Variants in GMIP observed in about 807,000 individuals in gnomAD.
GMIP encodes GEM interacting protein, also known as GEM-interacting protein.
GMIP carries 54 observed loss-of-function variants against 105.3 expected under a neutral mutation model. That is an observed-to-expected ratio of 0.51 (90% CI 0.41 to 0.64). The LOEUF is 0.64. Among genes scored for constraint, GMIP ranks in the 30% least tolerant of loss-of-function variants. GMIP has a pLI of 0.00. For missense variants in GMIP, 1,110 were observed against 1,319.4 expected (o/e 0.84, Z 2.46); for synonymous variants, 541 against 560.8 (o/e 0.96, Z 0.50).
In GMIP at chr19:19,638,390, T is replaced by C. The variant is rs1486325461; in HGVS notation, c.618+12A>G. The C allele has an allele frequency of 6.2e-7, 1 of 1,614,028 alleles. No individual in the cohort carries two copies. Among genetic ancestry groups the C allele is most frequent in the South Asian group, 1.1e-5 (1 of 91,084 alleles). On this transcript the variant is annotated intron_variant, in intron 8 of 20. Coordinates refer to ENST00000203556, the MANE Select transcript of GMIP (RefSeq NM_016573.4). ...TCTCTCACCCTACCCTTCCACCAAT[T>C]CCAAGCCTCACCATCCGCTTCTGCT...
Position 19,633,922 on chromosome 19 carries a change from G to C in GMIP, c.2353C>G (p.Gln785Glu), listed in dbSNP as rs773312129. ...GGGTCAAGGTGCGGGGGTGGCGGTT[G>C]GGAGCTGGTTGTGAGGGGCCCAGGG... is the stretch of plus-strand genomic sequence containing the variant. ...PAPGPLTTSS[Q>E]PPPPHLDPDS... Residue 785 changes from glutamine (Q) to glutamate (E), a missense_variant, in exon 19 of 21, where the codon CAA (glutamine) becomes GAA (glutamate). By Grantham distance (29) the Gln-to-Glu change is conservative (BLOSUM62 2). Transcript: ENST00000203556. 5 of 1,549,708 alleles carry C rather than the reference G, an allele frequency of 3.2e-6. No individual in the cohort carries two copies. Among genetic ancestry groups the C allele is most frequent in the Non-Finnish European group, 4.4e-6 (5 of 1,142,750 alleles).
In GMIP at chr19:19,638,500, T is replaced by G. The variant is rs2061882916; in HGVS notation, c.538-18A>C. ...GCGAGGGGCTGGCAAGGGTTGGGGA[T>G]GGGGATGGAGACGCTGCCTTAGGGC... is the stretch of plus-strand genomic sequence containing the variant. On this transcript the variant is annotated intron_variant, in intron 7 of 20. Transcript: ENST00000203556. 1.2e-6 allele frequency: 2 copies of G among 1,611,240 alleles called. No homozygotes were observed. Among genetic ancestry groups the G allele is most frequent in the South Asian group, 2.2e-5 (2 of 90,826 alleles).
At position 19,630,416 on chromosome 19, in the gene GMIP, C is replaced by T; in HGVS notation, c.2539+55G>A. 1.9e-6 allele frequency: 3 copies of T among 1,598,468 alleles called. No homozygotes were observed. The highest frequency in any genetic ancestry group is 2.2e-5 in the South Asian group (2 of 89,138). On this transcript the variant is annotated intron_variant, in intron 20 of 20. Coordinates refer to ENST00000203556, the MANE Select transcript of GMIP (RefSeq NM_016573.4). This position sits in a 1 kb window ranked among gnomAD's most constrained non-coding sequence, Gnocchi z 4.8. ...CCCCAGGAGTCATCTTTTAGCAAGC[C>T]ACCCTGGGGCCAGGGCACCCCCAGA...
chr19:19,636,340 T>C (rs1056509874), intron 13 of GMIP, among the ~76,000 whole-genome samples: 1 of 151,656 alleles, frequency 6.6e-6, no homozygotes, highest in African/African-American at 2.4e-5. Context: ...CTGGCCAACA[T>C]GGTGAAACCC....
rs756467344 is a variant in GMIP, at chr19:19,638,180, C to G, written c.768G>C (p.Ser256=). ...CCACCTTGGCCTGGGCCTCCTCTCG[C>G]GAGCGCCGCCGCCGCTCCTGCTGCT... is the stretch of plus-strand genomic sequence containing the variant. ...PSKQQERRRR[S]REEAQAKAQE... Residue 256 remains serine, a synonymous_variant, in exon 9 of 21, where the codon TCG becomes TCC. Coordinates refer to ENST00000203556, the MANE Select transcript of GMIP (RefSeq NM_016573.4). 1.0e-5 allele frequency: 16 copies of G among 1,585,192 alleles called. No homozygotes were observed. Among genetic ancestry groups the G allele is most frequent in the Non-Finnish European group, 1.3e-5 (15 of 1,173,906 alleles).
In GMIP at chr19:19,634,195, G is replaced by A. The variant is rs188195937; in HGVS notation, c.2085-5C>T. 3.7e-4 allele frequency: 594 copies of A among 1,586,434 alleles called. 2 individuals carry two copies. In the African/African-American group the frequency reaches 7.3e-3, roughly 20 times the overall value. On this transcript the variant is annotated splice_polypyrimidine_tract_variant and splice_region_variant and intron_variant, in intron 18 of 20. Transcript: ENST00000203556. This position sits in a 1 kb window ranked among gnomAD's most constrained non-coding sequence, Gnocchi z 6.1. ...TCCATAAATCGTGCAGCCACCCTGG[G>A]GATGGTGTGAAGAGAAAGGTCAGGG...
intron 7 of GMIP, 33 bp from the exon 8 acceptor site, chr19:19,638,515 T>C (rs1041616051): frequency 1.3e-6 from 2 of 1,588,262 alleles, no homozygotes; most frequent in African/African-American, 1.3e-5. Flanking sequence ...ATGGAGACGC[T>C]GCCTTAGGGC....
intron 2 of GMIP, 41 bp from the exon 3 acceptor site, chr19:19,642,092 G>C: frequency 2.1e-6 from 3 of 1,404,890 alleles, no homozygotes; most frequent in Non-Finnish European, 2.0e-6. Flanking sequence ...CTTACACCCA[G>C]TCTGTCCTGC....
rs775079808 is a variant in GMIP, at chr19:19,635,574, AG to A, written c.1406-6del. 1.5e-5 allele frequency: 25 copies of A among 1,613,782 alleles called. No homozygotes were observed. The South Asian group carries it at 2.7e-4, about 18-fold the overall frequency. On this transcript the variant is annotated splice_region_variant and splice_polypyrimidine_tract_variant and intron_variant, in intron 14 of 20. Coordinates refer to ENST00000203556, the MANE Select transcript of GMIP (RefSeq NM_016573.4). This position sits in a 1 kb window ranked among gnomAD's most constrained non-coding sequence, Gnocchi z 4.7. ...TCTCCAGCCCGTCTCCCAGGTCTGC[AG>A]GGAGACAGGGTCAGGAGTGCCTGGT...
chr19:19,634,512 C>A lies in GMIP; in HGVS notation c.2079G>T (p.Leu693=). Residue 693 remains leucine (L), a synonymous_variant, in exon 18 of 21, where the codon CTG becomes CTT. Transcript: ENST00000203556. This position sits in a 1 kb window ranked among gnomAD's most constrained non-coding sequence, Gnocchi z 6.1. ...YNTLRHLVAH[L]FRVAARFMEN... is the part of the protein sequence containing the mutation. The stretch of plus-strand genomic sequence containing the variant: ...GCTCAGGGACCCATGCACACCTGAA[C>A]AGATGGGCCACCAGGTGCCGCAGGG... 2 of 1,609,020 alleles carry A rather than the reference C, an allele frequency of 1.2e-6. No homozygotes were observed. The highest frequency in any genetic ancestry group is 1.7e-4 in the Middle Eastern group (1 of 6,016).
At position 19,635,529 on chromosome 19, in the gene GMIP, G is replaced by A. The variant is rs371337326; in HGVS notation, c.1446C>T (p.Phe482=). 2.5e-5 allele frequency: 40 copies of A among 1,613,520 alleles called. No homozygotes were observed. Among genetic ancestry groups the A allele is most frequent in the Middle Eastern group, 1.7e-4 (1 of 6,018 alleles). ...CCGCGCTGGACAGTGTCCACTTCCC[G>A]AAGGGGCTGCCCAGCCCATTCTCCA... ...DGLENGLGSP[F]GKWTLSSAAQ... Residue 482 remains phenylalanine (F), a synonymous_variant, in exon 15 of 21, where the codon TTC becomes TTT. Coordinates refer to ENST00000203556, the MANE Select transcript of GMIP (RefSeq NM_016573.4). This position sits in a 1 kb window ranked among gnomAD's most constrained non-coding sequence, Gnocchi z 4.7.
At position 19,635,690 on chromosome 19, in the gene GMIP, C is replaced by T. The variant is rs149540867; in HGVS notation, c.1359G>A (p.Ser453=). ...GAGTRQLVKA[S]STGTESSDDF... is the part of the protein sequence containing the mutation. The stretch of plus-strand genomic sequence containing the variant: ...CATCTGAGGACTCAGTGCCTGTGGA[C>T]GAAGCCTTCACCAGCTGCCTCGTGC... Residue 453 remains serine (S), a synonymous_variant, in exon 14 of 21, where the codon TCG becomes TCA. Coordinates refer to ENST00000203556, the MANE Select transcript of GMIP (RefSeq NM_016573.4). This position sits in a 1 kb window ranked among gnomAD's most constrained non-coding sequence, Gnocchi z 4.7. 6.7e-5 allele frequency: 108 copies of T among 1,614,128 alleles called. No homozygotes were observed. The highest frequency in any genetic ancestry group is 4.5e-4 in the African/African-American group (34 of 75,034).
Position 19,640,132 on chromosome 19 carries a change from T to A in GMIP, c.490A>T (p.Thr164Ser), listed in dbSNP as rs1216436151. Residue 164 changes from threonine to serine, a missense_variant, in exon 7 of 21, where the codon ACC (threonine) becomes TCC (serine). Physicochemically the swap from Thr to Ser is moderately conservative, Grantham distance 58 (BLOSUM62 1). Coordinates refer to ENST00000203556, the MANE Select transcript of GMIP (RefSeq NM_016573.4). ...LFLEHDLSLG[T>S]LAMETVAQQK... Reference sequence around the variant, plus strand: ...TGGGCCACTGTCTCCATGGCCAGGGTTCCCAGGCTGAGATCGTGCTCCAGA... The same window carrying A: ...TGGGCCACTGTCTCCATGGCCAGGGATCCCAGGCTGAGATCGTGCTCCAGA... 1 of 1,613,700 alleles carries A rather than the reference T, an allele frequency of 6.2e-7. No individual in the cohort carries two copies. The highest frequency in any genetic ancestry group is 1.7e-5 in the Admixed American group (1 of 60,000).
In GMIP at chr19:19,634,698, G is replaced by A. The variant is rs755631669; in HGVS notation, c.1893C>T (p.Thr631=). ...AGAGGTGGAAGGGGATCACGGGCTCGGTGAGCTGGGGGTGGAACGGAGGGC... is the reference window on the plus strand; with the variant it reads ...AGAGGTGGAAGGGGATCACGGGCTCAGTGAGCTGGGGGTGGAACGGAGGGC... ...SVLKRFLQEL[T]EPVIPFHLYD... Residue 631 remains threonine, a synonymous_variant, in exon 18 of 21, where the codon ACC becomes ACT. Transcript: ENST00000203556. This position sits in a 1 kb window ranked among gnomAD's most constrained non-coding sequence, Gnocchi z 6.1. The A allele has an allele frequency of 9.3e-6, 15 of 1,608,186 alleles. No individual in the cohort carries two copies. The highest frequency in any genetic ancestry group is 1.7e-4 in the Middle Eastern group (1 of 6,046).
At chr19:19,643,315 A>AGGGGGAG in intron 1 of GMIP, 196 bp downstream of exon 1, 1 of 476,258 alleles carries the variant, frequency 2.1e-6, no homozygotes, top group Non-Finnish European at 3.8e-6. Context: ...AGGGATCAAA[A>AGGGGGAG]GGGGGAGGGG....
chr19:19,637,452 T>C lies in GMIP; in HGVS notation c.1037A>G (p.Gln346Arg). The change falls in exon 11 of 21, where the codon CAG (glutamine) becomes CGG (arginine). Residue 346 changes from glutamine to arginine, a missense_variant. Physicochemically the swap from Gln to Arg is conservative, Grantham distance 43. Coordinates refer to ENST00000203556, the MANE Select transcript of GMIP (RefSeq NM_016573.4). The surrounding 1 kb of genome is among the most constrained non-coding windows in gnomAD (Gnocchi z 6.7). The stretch of plus-strand genomic sequence containing the variant: ...GGGCCGCAGCGCCCGTACAAACTCC[T>C]GGTAGCGCTGGCCCGGCTCAAAGGG... The part of the protein sequence containing the change: ...CAPFEPGQRY[Q>R]EFVRALRPEA... 3 of 1,527,036 alleles carry C rather than the reference T, an allele frequency of 2.0e-6. No homozygotes were observed. Among genetic ancestry groups the C allele is most frequent in the Non-Finnish European group, 1.8e-6 (2 of 1,140,084 alleles). 94.6% of individuals were successfully genotyped at this position (1,527,036 alleles called of 1,614,324 possible).
At position 19,637,444 on chromosome 19, in the gene GMIP, C is replaced by T. The variant is rs777560636; in HGVS notation, c.1045G>A (p.Val349Ile). 1.3e-6 allele frequency: 2 copies of T among 1,521,192 alleles called. No individual in the cohort carries two copies. The highest frequency in any genetic ancestry group is 1.8e-6 in the Non-Finnish European group (2 of 1,138,900). The allele number at this position is 1,521,192 out of a possible 1,614,324, so 94.2% of individuals were successfully genotyped here. A position where few individuals can be genotyped will look rare whatever the true frequency, so the allele number is the denominator to read the frequency against. ...FEPGQRYQEF[V>I]RALRPEAPPP... ...GGGGCCTCGGGCCGCAGCGCCCGTA[C>T]AAACTCCTGGTAGCGCTGGCCCGGC... Residue 349 changes from valine to isoleucine, a missense_variant, in exon 11 of 21, where the codon GTA becomes ATA. By Grantham distance (29) the Val-to-Ile change is conservative. Coordinates refer to ENST00000203556, the MANE Select transcript of GMIP (RefSeq NM_016573.4). This position sits in a 1 kb window ranked among gnomAD's most constrained non-coding sequence, Gnocchi z 6.7.
In GMIP at chr19:19,630,204, G is replaced by C. The variant is rs2061779255; in HGVS notation, c.2672C>G (p.Ala891Gly). The C allele has an allele frequency of 6.3e-7, 1 of 1,598,864 alleles. No homozygotes were observed. The highest frequency in any genetic ancestry group is 8.6e-7 in the Non-Finnish European group (1 of 1,169,100). Residue 891 changes from alanine to glycine, a missense_variant, in exon 21 of 21, where the codon GCT becomes GGT. Around this residue, in one of 3 missense-constraint regions of GMIP, gnomAD observed 394 missense variants for 450.5 expected, o/e 0.87. Coordinates refer to ENST00000203556, the MANE Select transcript of GMIP (RefSeq NM_016573.4). The surrounding 1 kb of genome is among the most constrained non-coding windows in gnomAD (Gnocchi z 4.8). ...GGGGGTCTCCTCGCACAGCTTGGAA[G>C]CCACCAGGGCCAGACTGGACAGCTG... The part of the protein sequence containing the change: ...THQLSSLALV[A>G]SKLCEETPIT...
Position 19,629,583 on chromosome 19 carries a change from C to T in GMIP, c.*380G>A. 1 of 207,046 alleles carries T rather than the reference C, an allele frequency of 4.8e-6. No individual in the cohort carries two copies. The highest frequency in any genetic ancestry group is 9.9e-6 in the Non-Finnish European group (1 of 101,474). 12.8% of individuals were successfully genotyped at this position (207,046 alleles called of 1,614,324 possible). ...GGTCACTTCGAGTCCGTGAAGGAGG[C>T]AGGCAGGTGTGGGGGAGTGACCACA... On this transcript the variant is annotated 3_prime_UTR_variant, in exon 21 of 21. Coordinates refer to ENST00000203556, the MANE Select transcript of GMIP (RefSeq NM_016573.4).
Sources: allele counts gnomAD v4.1 joint callset (sites outside exome capture counted in the v4.1 genomes callset), GRCh38; gene constraint gnomAD v4.1.1; regional missense constraint gnomAD v4.1.1; non-coding constraint Gnocchi (gnomAD v3.1); transcripts MANE v1.5; gene names NCBI Gene and HGNC (gene_info 2026-07-23, HGNC 2026-07-21).